The following CCNI variants were observed in gnomAD, a reference collection of about 807,000 sequenced individuals.
CCNI encodes cyclin-I.
A neutral mutation model predicts 34.1 loss-of-function variants in CCNI; 14 were observed. That is an observed-to-expected ratio of 0.41 (90% CI 0.27 to 0.64). The LOEUF is 0.64. Ranked by LOEUF, CCNI falls within the 30% of genes least tolerant of loss-of-function variation. The pLI is 0.31. For synonymous variants in CCNI, 154 were observed against 158.4 expected (o/e 0.97, Z 0.21); for missense variants, 385 against 440.5 (o/e 0.87, Z 1.13).
Position 77,075,643 on chromosome 4 carries a change from GGGCGC to G in CCNI, c.-220_-216del. ...AGGGAGAAAGGGGAAGCGGATCGGG[GGGCGC>G]GGGCGCGGGCGCTGGCGCTCGAGCG... On this transcript the variant is annotated 5_prime_UTR_variant, in exon 1 of 7. Coordinates refer to ENST00000237654, the MANE Select transcript of CCNI (RefSeq NM_006835.3). The G allele has an allele frequency of 1.4e-6, 1 of 697,468 alleles. No individual in the cohort carries two copies. Among genetic ancestry groups the G allele is most frequent in the Non-Finnish European group, 1.7e-6 (1 of 597,842 alleles). 43.2% of individuals were successfully genotyped at this position (697,468 alleles called of 1,614,324 possible).
chr4:77,051,483 A>C (rs1483283705), intron 6 of CCNI, among the ~76,000 whole-genome samples: 2 of 149,342 alleles, frequency 1.3e-5, no homozygotes, highest in African/African-American at 5.2e-5. Flanking sequence ...TGGGAGACTG[A>C]CAAGAAATGA....
rs560868829 is a variant in CCNI at position 77,053,775 on chromosome 4, T to A, written c.690+1375A>T. 3.3e-5 allele frequency among the ~76,000 whole-genome samples: 5 copies of A among 152,310 alleles called. No homozygotes were observed. In the East Asian group the frequency reaches 7.7e-4, roughly 23 times the overall value. ...TACTTCACAGTCTAATGTGAGTGAT[T>A]AATATTCAACTTTTCTTTCTAACAC... is the stretch of plus-strand genomic sequence containing the variant. On this transcript the variant is annotated intron_variant, in intron 6 of 6. Transcript: ENST00000237654.
intron 6 of CCNI, among the ~76,000 whole-genome samples, chr4:77,052,091 A>G (rs1044986098): frequency 2.6e-5 from 4 of 151,940 alleles, no homozygotes; most frequent in Admixed American, 2.6e-4. Context: ...ACAGTACCCA[A>G]CAGTTTTTCA....
At chr4:77,066,961 T>C (rs768247333) in intron 1 of CCNI, among the ~76,000 whole-genome samples, 4 of 152,172 alleles carry the variant, frequency 2.6e-5, no homozygotes, top group Admixed American at 6.5e-5. Context: ...TGGCCAGGCA[T>C]GGTGGCTCAC....
At chr4:77,054,516 T>C (rs1315857186) in intron 6 of CCNI, among the ~76,000 whole-genome samples, 1 of 152,236 alleles carries the variant, frequency 6.6e-6, no homozygotes, top group Non-Finnish European at 1.5e-5. Context: ...GTTGCTAACA[T>C]ACAGCACTCT....
At chr4:77,055,888 T>TAGGC in intron 5 of CCNI, 74 bp downstream of exon 5, 1 of 1,215,496 alleles carries the variant, frequency 8.2e-7, no homozygotes, top group East Asian at 2.4e-5. Flanking sequence ...AATAAATGAG[T>TAGGC]AGGCAATCTA....
At position 77,075,464 on chromosome 4, in the gene CCNI, C is replaced by A. The variant is rs1273307272; in HGVS notation, c.-44+8G>T. The A allele has an allele frequency of 2.0e-5, 13 of 658,284 alleles. No homozygotes were observed. Among genetic ancestry groups the A allele is most frequent in the South Asian group, 6.8e-5 (1 of 14,784 alleles). 40.8% of individuals were successfully genotyped at this position (658,284 alleles called of 1,614,324 possible). On this transcript the variant is annotated splice_region_variant and intron_variant, in intron 1 of 6. Transcript: ENST00000237654. ...CGTCGAGCCCCCGCCCCCGCCCCCGCCCCTCACCTTCTCCTCCTCTTCCTC... is the reference window on the plus strand; with the variant it reads ...CGTCGAGCCCCCGCCCCCGCCCCCGACCCTCACCTTCTCCTCCTCTTCCTC...
chr4:77,071,387 G>A (rs1293051105), intron 1 of CCNI, among the ~76,000 whole-genome samples: 4 of 152,116 alleles, frequency 2.6e-5, no homozygotes, highest in Non-Finnish European at 5.9e-5. Flanking sequence ...ACCTGAAAAT[G>A]CCTCTACTAA....
chr4:77,053,406 C>T (rs1727999767), intron 6 of CCNI, among the ~76,000 whole-genome samples: 2 of 152,118 alleles, frequency 1.3e-5, no homozygotes, highest in Admixed American at 1.3e-4. Flanking sequence ...TCCAAAGATT[C>T]TGTCAAATCC....
chr4:77,056,517 T>TA (rs1160518808), intron 3 of CCNI, 194 bp from the exon 4 acceptor site: 1 of 559,770 alleles, frequency 1.8e-6, no homozygotes, highest in East Asian at 2.9e-5. Context: ...GAAAGTTTAT[T>TA]AAAAAGCTTT....
chr4:77,069,614 G>C (rs563551147), intron 1 of CCNI, among the ~76,000 whole-genome samples: 1 of 97,536 alleles, frequency 1.0e-5, no homozygotes, highest in Admixed American at 1.6e-4. Flanking sequence ...AACAGGCCCC[G>C]GTGTGTGATG....
intron 2 of CCNI, among the ~76,000 whole-genome samples, chr4:77,065,926 C>T (rs937787379): frequency 1.3e-5 from 2 of 152,174 alleles, no homozygotes; most frequent in African/African-American, 4.8e-5. Context: ...ATGGTGAAAC[C>T]CCATCTCTAC....
intron 1 of CCNI, among the ~76,000 whole-genome samples, chr4:77,072,684 C>A (rs1401306022): frequency 6.8e-6 from 1 of 147,400 alleles, no homozygotes; most frequent in East Asian, 2.0e-4. Flanking sequence ...AACTGCAATA[C>A]CTGACCCTCA....
chr4:77,055,499 G>A, intron 5 of CCNI, 119 bp from the exon 6 acceptor site: 1 of 689,464 alleles, frequency 1.5e-6, no homozygotes, highest in Non-Finnish European at 2.4e-6. Context: ...GTCTCACTCT[G>A]TTGCCCAGGC....
intron 2 of CCNI, among the ~76,000 whole-genome samples, chr4:77,059,170 A>G (rs1728435861): frequency 4.6e-5 from 7 of 152,098 alleles, no homozygotes; most frequent in Admixed American, 4.6e-4. Context: ...AAAAATATTG[A>G]ACAGGAAATT....
In CCNI at chr4:77,066,276, C is replaced by G. The variant is rs773390609; in HGVS notation, c.87G>C (p.Val29=). 6.2e-7 allele frequency: 1 copy of G among 1,614,106 alleles called. No individual in the cohort carries two copies. The highest frequency in any genetic ancestry group is 2.2e-5 in the East Asian group (1 of 44,866). Residue 29 remains valine, a synonymous_variant, in exon 2 of 7, where the codon GTG becomes GTC. Coordinates refer to ENST00000237654, the MANE Select transcript of CCNI (RefSeq NM_006835.3). ...GATTTGAAGGCATTTTCCGCACATTCACTTTCCACATCTGTGCTTCCCTAG... is the reference window on the plus strand; with the variant it reads ...GATTTGAAGGCATTTTCCGCACATTGACTTTCCACATCTGTGCTTCCCTAG... ...AITREAQMWK[V]NVRKMPSNQN...
At chr4:77,067,289 C>G (rs1729105136) in intron 1 of CCNI, among the ~76,000 whole-genome samples, 1 of 152,004 alleles carries the variant, frequency 6.6e-6, no homozygotes, top group South Asian at 2.1e-4. Flanking sequence ...AGCCTTACTT[C>G]AATAACCAGA....
At chr4:77,058,199 A>C (rs1477778963) in intron 3 of CCNI, among the ~76,000 whole-genome samples, 1 of 152,194 alleles carries the variant, frequency 6.6e-6, no homozygotes. Context: ...TACTAAAAAT[A>C]CAAAAATTAG....
intron 1 of CCNI, among the ~76,000 whole-genome samples, chr4:77,070,153 G>A (rs1223576631): frequency 6.6e-6 from 1 of 151,732 alleles, no homozygotes; most frequent in Non-Finnish European, 1.5e-5. Flanking sequence ...GAGTAGCTGG[G>A]ATTACAGGCA....
Sources: gnomAD v4.1 joint callset for allele counts (sites outside exome capture counted in the v4.1 genomes callset) on GRCh38, gnomAD v4.1.1 for gene constraint, MANE v1.5 for transcripts, NCBI Gene and HGNC (gene_info 2026-07-23, HGNC 2026-07-21) for gene names.